Variants in RAPGEF2 observed in about 807,000 individuals in gnomAD.
RAPGEF2 encodes the protein Rap guanine nucleotide exchange factor 2.
RAPGEF2 carries 54 observed loss-of-function variants against 186.7 expected under a neutral mutation model. The ratio of observed to expected loss-of-function variants is 0.29; its 90% CI spans 0.23 to 0.36. The LOEUF is 0.36. RAPGEF2 is among the 10% of genes least tolerant of loss of function. RAPGEF2 has a pLI of 1.00. For missense variants in RAPGEF2, 1,532 were observed against 2,045.0 expected (o/e 0.75, Z 4.84); for synonymous variants, 712 against 705.9 (o/e 1.01, Z -0.14).
chr4:159,204,537 GC>G (rs1414512418), intron 3 of RAPGEF2, among the ~76,000 whole-genome samples: 1 of 152,170 alleles, frequency 6.6e-6, no homozygotes, highest in African/African-American at 2.4e-5. Flanking sequence ...AGTTCTGATT[GC>G]CCCAGAGGCT....
intron 1 of RAPGEF2, among the ~76,000 whole-genome samples, chr4:159,143,316 A>T (rs1199426838): frequency 6.6e-6 from 1 of 152,102 alleles, no homozygotes; most frequent in Non-Finnish European, 1.5e-5. Context: ...TTTCTGCAAT[A>T]AATTTCCTCT....
chr4:159,136,725 C>T (rs1300650545), intron 1 of RAPGEF2, among the ~76,000 whole-genome samples: 1 of 152,082 alleles, frequency 6.6e-6, no homozygotes, highest in Non-Finnish European at 1.5e-5. Flanking sequence ...ATATATTTTA[C>T]TCTAATAATA....
chr4:159,208,504 A>G (rs1044874909), intron 3 of RAPGEF2, among the ~76,000 whole-genome samples: 1 of 152,186 alleles, frequency 6.6e-6, no homozygotes, highest in Non-Finnish European at 1.5e-5. Context: ...TCACCCTAGA[A>G]TATGAGATGG....
intron 22 of RAPGEF2, among the ~76,000 whole-genome samples, chr4:159,343,740 G>A (rs1729875877): frequency 6.6e-6 from 1 of 152,176 alleles, no homozygotes; most frequent in Non-Finnish European, 1.5e-5. Flanking sequence ...ACCCCAAATA[G>A]TCTTGTCTCA....
chr4:159,153,434 T>C (rs903876310), intron 1 of RAPGEF2, among the ~76,000 whole-genome samples: 1 of 152,232 alleles, frequency 6.6e-6, no homozygotes. Context: ...AGTTCCTCAC[T>C]CTGTGGAAAA....
intron 9 of RAPGEF2, among the ~76,000 whole-genome samples, chr4:159,317,885 T>C (rs1051056706): frequency 5.3e-5 from 8 of 152,216 alleles, no homozygotes; most frequent in Admixed American, 5.2e-4. Context: ...TATATCTTTT[T>C]TGAATCTGTT....
chr4:159,344,144 C>CT lies in RAPGEF2; in HGVS notation c.3278+88dup, dbSNP rs1037148778. Reference sequence around the variant, plus strand: ...TTCTTACCTGCTGTATTTTCTGATGCTTTGCATTTTTGCATTTTTTTCCTT... The same window carrying CT: ...TTCTTACCTGCTGTATTTTCTGATGCTTTTGCATTTTTGCATTTTTTTCCTT... On this transcript the variant is annotated intron_variant, in intron 23 of 29. Transcript: ENST00000691494. 4.2e-6 allele frequency: 6 copies of CT among 1,444,172 alleles called. No individual in the cohort carries two copies. In the African/African-American group the frequency reaches 7.0e-5, roughly 17 times the overall value. The allele number at this position is 1,444,172 out of a possible 1,614,324, so 89.5% of individuals were successfully genotyped here. A position where few individuals can be genotyped will look rare whatever the true frequency, so the allele number is the denominator to read the frequency against.
At chr4:159,230,782 AACTC>A (rs1752546235) in intron 4 of RAPGEF2, among the ~76,000 whole-genome samples, 1 of 152,152 alleles carries the variant, frequency 6.6e-6, no homozygotes, top group African/African-American at 2.4e-5. Context: ...CTCTCAATGA[AACTC>A]ACTTCTCAAC....
chr4:159,348,225 T>C (rs1730631097), intron 25 of RAPGEF2, among the ~76,000 whole-genome samples: 1 of 121,932 alleles, frequency 8.2e-6, no homozygotes, highest in Non-Finnish European at 1.7e-5. Context: ...TGTCGATAGA[T>C]AGATAGATAG....
chr4:159,283,136 TGTTA>T (rs1759958602), intron 7 of RAPGEF2, among the ~76,000 whole-genome samples: 1 of 152,192 alleles, frequency 6.6e-6, no homozygotes, highest in African/African-American at 2.4e-5. Flanking sequence ...AGCAAATTCA[TGTTA>T]GTTGTTTGTG....
At chr4:159,318,292 T>G (rs1387931294) in intron 9 of RAPGEF2, among the ~76,000 whole-genome samples, 1 of 152,226 alleles carries the variant, frequency 6.6e-6, no homozygotes, top group East Asian at 1.9e-4. Flanking sequence ...TGAGAACTGT[T>G]TAGCTCTTGT....
chr4:159,176,325 C>T (rs1013248836), intron 1 of RAPGEF2, among the ~76,000 whole-genome samples: 4 of 152,084 alleles, frequency 2.6e-5, no homozygotes, highest in Non-Finnish European at 4.4e-5. Context: ...CACCCTCCGC[C>T]CCCACCTCAA....
intron 7 of RAPGEF2, among the ~76,000 whole-genome samples, chr4:159,259,844 T>C (rs1756596021): frequency 6.6e-6 from 1 of 152,134 alleles, no homozygotes; most frequent in Non-Finnish European, 1.5e-5. Context: ...TCTATAAAAC[T>C]ATCTAGTTAT....
At chr4:159,344,880 G>A (rs1014455547) in intron 23 of RAPGEF2, among the ~76,000 whole-genome samples, 7 of 152,158 alleles carry the variant, frequency 4.6e-5, no homozygotes, top group South Asian at 2.1e-4. Context: ...TTCCTAGTTG[G>A]AACTGAACAG....
intron 7 of RAPGEF2, among the ~76,000 whole-genome samples, chr4:159,263,739 A>G (rs1001402033): frequency 6.6e-6 from 1 of 152,182 alleles, no homozygotes; most frequent in African/African-American, 2.4e-5. Flanking sequence ...AACACTGTAT[A>G]TGTTCTAAGT....
chr4:159,348,604 A>G (rs1353481610), intron 25 of RAPGEF2, among the ~76,000 whole-genome samples: 2 of 152,178 alleles, frequency 1.3e-5, no homozygotes, highest in Admixed American at 1.3e-4. Flanking sequence ...ATATGCATGC[A>G]TTCCTGAATC....
chr4:159,292,288 C>T (rs926258750), intron 7 of RAPGEF2, among the ~76,000 whole-genome samples: 2 of 152,094 alleles, frequency 1.3e-5, no homozygotes, highest in Non-Finnish European at 2.9e-5. Context: ...AACATGCGAA[C>T]GCCACCCTAC....
chr4:159,269,997 G>C (rs904554015), intron 7 of RAPGEF2, among the ~76,000 whole-genome samples: 2 of 152,194 alleles, frequency 1.3e-5, no homozygotes, highest in South Asian at 4.1e-4. Context: ...TTTGTTTCCT[G>C]ACAAGTGCCT....
chr4:159,158,131 G>GT (rs1744324638), intron 1 of RAPGEF2, among the ~76,000 whole-genome samples: 1 of 152,122 alleles, frequency 6.6e-6, no homozygotes, highest in South Asian at 2.1e-4. Context: ...AGGTTTTAAT[G>GT]ATTTTTATTC....
Sources: allele counts gnomAD v4.1 joint callset (sites outside exome capture counted in the v4.1 genomes callset), GRCh38; gene constraint gnomAD v4.1.1; transcripts MANE v1.5; gene names NCBI Gene and HGNC (gene_info 2026-07-23, HGNC 2026-07-21).